Variants in ZFAND3 observed in about 807,000 individuals in gnomAD.
ZFAND3 encodes the protein zinc finger AN1-type containing 3.
In ZFAND3, 10 loss-of-function variants were observed where a neutral mutation model predicts 29.6. That is an observed-to-expected ratio of 0.34 (90% confidence interval 0.21 to 0.57). The LOEUF is 0.57. Ranked by LOEUF, ZFAND3 falls within the 20% of genes least tolerant of loss-of-function variation. The pLI is 0.86. For synonymous variants in ZFAND3, 128 were observed against 112.6 expected (o/e 1.14, Z -0.87); for missense variants, 230 against 304.5 (o/e 0.76, Z 1.82).
chr6:38,096,339 A>C (rs1444407721), intron 4 of ZFAND3, among the ~76,000 whole-genome samples: 1 of 151,998 alleles, frequency 6.6e-6, no homozygotes, highest in African/African-American at 2.4e-5. Flanking sequence ...CATCGGGCTA[A>C]CTTTTGTATT....
At chr6:38,122,340 T>A (rs1404000080) in intron 5 of ZFAND3, among the ~76,000 whole-genome samples, 4 of 152,206 alleles carry the variant, frequency 2.6e-5, no homozygotes, top group Non-Finnish European at 5.9e-5. Context: ...CTGTGTTGTT[T>A]AGGGAATAAT....
chr6:37,838,355 T>C (rs1764008058), intron 1 of ZFAND3, among the ~76,000 whole-genome samples: 1 of 152,230 alleles, frequency 6.6e-6, no homozygotes, highest in Non-Finnish European at 1.5e-5. Context: ...AGTGTATAAC[T>C]GTGTGTGGTT....
intron 1 of ZFAND3, among the ~76,000 whole-genome samples, chr6:37,900,272 T>C (rs1484823848): frequency 6.6e-6 from 1 of 152,174 alleles, no homozygotes; most frequent in African/African-American, 2.4e-5. Context: ...ATAACTTCTT[T>C]TATACTGTGT....
chr6:37,901,224 G>A (rs952105396), intron 1 of ZFAND3, among the ~76,000 whole-genome samples: 15 of 152,252 alleles, frequency 9.9e-5, no homozygotes, highest in Middle Eastern at 3.4e-3. Flanking sequence ...TATTCCTACC[G>A]ATAGCATATT....
At chr6:37,985,991 G>A (rs955219250) in intron 2 of ZFAND3, among the ~76,000 whole-genome samples, 9 of 152,178 alleles carry the variant, frequency 5.9e-5, no homozygotes, top group African/African-American at 9.7e-5. Flanking sequence ...TCCCAAGACT[G>A]AAACAGATAA....
chr6:38,147,098 A>G (rs936126075), intron 5 of ZFAND3, among the ~76,000 whole-genome samples: 7 of 152,108 alleles, frequency 4.6e-5, no homozygotes, highest in African/African-American at 1.2e-4. Context: ...TATTCCTTCT[A>G]TCTTACTATG....
At chr6:37,843,814 T>G (rs1360872817) in intron 1 of ZFAND3, among the ~76,000 whole-genome samples, 2 of 152,010 alleles carry the variant, frequency 1.3e-5, no homozygotes, top group African/African-American at 4.8e-5. Flanking sequence ...TCTGTCCTTG[T>G]GTATCCTTGT....
intron 4 of ZFAND3, among the ~76,000 whole-genome samples, chr6:38,102,838 C>T (rs1765120456): frequency 6.6e-6 from 1 of 152,126 alleles, no homozygotes; most frequent in South Asian, 2.1e-4. Flanking sequence ...CTCACTGCAA[C>T]CTCCGCCTCC....
chr6:38,102,958 T>C (rs1765122493), intron 4 of ZFAND3, among the ~76,000 whole-genome samples: 1 of 152,140 alleles, frequency 6.6e-6, no homozygotes, highest in South Asian at 2.1e-4. Context: ...GGTTTCACCA[T>C]GTTGGCCAGG....
intron 4 of ZFAND3, among the ~76,000 whole-genome samples, chr6:38,102,420 C>G (rs545274391): frequency 6.6e-6 from 1 of 152,218 alleles, no homozygotes; most frequent in African/African-American, 2.4e-5. Context: ...ATTTCCCCAC[C>G]TCACCCCTAC....
rs1316331019 is a variant in ZFAND3 at position 37,819,856 on chromosome 6, C to G, written c.-90C>G. On this transcript the variant is annotated 5_prime_UTR_variant, in exon 1 of 6. Coordinates refer to ENST00000287218, the MANE Select transcript of ZFAND3 (RefSeq NM_021943.3). ...CCCCCTCCCCCCGCCCCGAGCCCCC[C>G]GACGCCGCCGCCACCGCCTCCTCAG... 1.0e-5 allele frequency: 10 copies of G among 998,138 alleles called. No homozygotes were observed. The highest frequency in any genetic ancestry group is 1.2e-5 in the Non-Finnish European group (10 of 804,874). 61.8% of individuals were successfully genotyped at this position (998,138 alleles called of 1,614,324 possible). A position where few individuals can be genotyped will look rare whatever the true frequency, so the allele number is the denominator to read the frequency against.
At chr6:38,031,215 C>G (rs545982094) in intron 2 of ZFAND3, among the ~76,000 whole-genome samples, 1 of 152,072 alleles carries the variant, frequency 6.6e-6, no homozygotes, top group East Asian at 1.9e-4. Flanking sequence ...GTATTTGGGT[C>G]CCCTCTTTTT....
chr6:38,110,492 G>A (rs572195884), intron 4 of ZFAND3, among the ~76,000 whole-genome samples: 2 of 152,182 alleles, frequency 1.3e-5, no homozygotes, highest in South Asian at 4.2e-4. Flanking sequence ...TGAGAGTGTG[G>A]TATTTTTCGT....
chr6:37,963,437 C>G (rs866544215), intron 2 of ZFAND3, among the ~76,000 whole-genome samples: 1 of 151,950 alleles, frequency 6.6e-6, no homozygotes, highest in Non-Finnish European at 1.5e-5. Flanking sequence ...ACTAAAAAAG[C>G]AAGAGCAAAC....
intron 5 of ZFAND3, among the ~76,000 whole-genome samples, chr6:38,133,622 C>T (rs543274668): frequency 6.5e-4 from 99 of 151,880 alleles, no homozygotes; most frequent in African/African-American, 1.9e-3. Context: ...TGGTGGCGGG[C>T]GCCTGTAGTC....
chr6:37,843,139 A>G (rs1250086577), intron 1 of ZFAND3, among the ~76,000 whole-genome samples: 1 of 149,424 alleles, frequency 6.7e-6, no homozygotes, highest in Non-Finnish European at 1.5e-5. Context: ...AAAAAAAAAA[A>G]TCTTAATTTC....
In ZFAND3 at chr6:38,154,253, C is replaced by G. The variant is rs529125203; in HGVS notation, c.*1864C>G. ...CCGAAGAGGCTGTGCGAGCCCTTCC[C>G]GGCCCTCCCCAGGGCCCCCCGCCCC... On this transcript the variant is annotated 3_prime_UTR_variant, in exon 6 of 6. Transcript: ENST00000287218. 1.0e-5 allele frequency: 10 copies of G among 985,390 alleles called. No individual in the cohort carries two copies. Among genetic ancestry groups the G allele is most frequent in the Non-Finnish European group, 1.2e-5 (10 of 829,980 alleles). The allele number at this position is 985,390 out of a possible 1,614,324, so 61.0% of individuals were successfully genotyped here.
intron 1 of ZFAND3, among the ~76,000 whole-genome samples, chr6:37,908,777 T>G (rs1047617118): frequency 1.3e-5 from 2 of 151,300 alleles, no homozygotes; most frequent in Non-Finnish European, 3.0e-5. Context: ...TTTGATCACT[T>G]GCTTAGAGGT....
chr6:37,914,670 T>TC (rs1761202513), intron 1 of ZFAND3, among the ~76,000 whole-genome samples: 1 of 114,998 alleles, frequency 8.7e-6, no homozygotes, highest in Admixed American at 8.2e-5. Context: ...TTCTTTTTTT[T>TC]TCTTTTTTTT....
Sources: allele counts gnomAD v4.1 joint callset (sites outside exome capture counted in the v4.1 genomes callset), GRCh38; gene constraint gnomAD v4.1.1; transcripts MANE v1.5; gene names NCBI Gene and HGNC (gene_info 2026-07-23, HGNC 2026-07-21).